SV2C: variants seen among roughly 807,000 people sequenced by gnomAD.
SV2C encodes the protein synaptic vesicle glycoprotein 2C, also known as solute carrier family 22 member B3.
Under a neutral mutation model 79.7 loss-of-function variants are expected in SV2C, and 49 were observed. The observed-to-expected ratio is 0.61, with a 90% CI of 0.49 to 0.78. The LOEUF is 0.78. SV2C is among the 30% of genes least tolerant of loss of function. The pLI, the probability that SV2C is intolerant of heterozygous loss-of-function variation, is 0.00. For synonymous variants in SV2C, 334 were observed against 333.2 expected (o/e 1.00, Z -0.03); for missense variants, 833 against 912.9 (o/e 0.91, Z 1.13).
At chr5:76,272,918 A>G (rs1047042246) in intron 4 of SV2C, among the ~76,000 whole-genome samples, 13 of 151,928 alleles carry the variant, frequency 8.6e-5, no homozygotes, top group African/African-American at 3.1e-4. Context: ...ACAAAAGTAT[A>G]CATTTCACTT....
At chr5:75,960,087 A>C in the SV2C span, among the ~76,000 whole-genome samples, 1 of 151,986 alleles carries the variant, frequency 6.6e-6, no homozygotes, top group African/African-American at 2.4e-5. Context: ...TCATAATTCT[A>C]ATTTTTCCTG....
intron 1 of SV2C, among the ~76,000 whole-genome samples, chr5:76,122,715 T>G (rs1227240701): frequency 6.6e-6 from 1 of 151,374 alleles, no homozygotes; most frequent in East Asian, 1.9e-4. Flanking sequence ...CTGGGACACA[T>G]TCAAAGCAGT....
At chr5:76,186,722 C>T (rs1360674351) in intron 2 of SV2C, among the ~76,000 whole-genome samples, 4 of 140,340 alleles carry the variant, frequency 2.9e-5, no homozygotes, top group African/African-American at 7.8e-5. Context: ...TTAATTGACT[C>T]GCAGTTCCAC....
At chr5:76,001,192 T>C in the SV2C span, among the ~76,000 whole-genome samples, 1 of 152,070 alleles carries the variant, frequency 6.6e-6, no homozygotes, top group East Asian at 1.9e-4. Flanking sequence ...AGGCCCAGAA[T>C]TTCAAGAGTG....
At chr5:75,921,458 G>T in the SV2C span, 3 of 795,806 alleles carry the variant, frequency 3.8e-6, no homozygotes, top group East Asian at 2.4e-5. Context: ...TGCCATCCTT[G>T]CCCATAAGGC....
rs1432507432 is a variant in SV2C at position 76,330,361 on chromosome 5, T to G, written c.*4814T>G. 1 of 152,206 alleles carries G rather than the reference T, an allele frequency of 6.6e-6. No homozygotes were observed. Among genetic ancestry groups the G allele is most frequent in the Non-Finnish European group, 1.5e-5 (1 of 68,034 alleles). 9.4% of individuals were successfully genotyped at this position (152,206 alleles called of 1,614,324 possible). ...TAGCATGGTTGGGCAGGGGAAGAGC[T>G]GAGCCGAGCCTTCACTGATCTCTTG... On this transcript the variant is annotated 3_prime_UTR_variant, in exon 13 of 13. Coordinates refer to ENST00000502798, the MANE Select transcript of SV2C (RefSeq NM_014979.4).
chr5:75,875,514 G>A, the SV2C span, among the ~76,000 whole-genome samples: 4 of 152,138 alleles, frequency 2.6e-5, no homozygotes, highest in African/African-American at 9.7e-5. Context: ...TCAGTACATA[G>A]GCACAGGCAA....
chr5:76,018,367 C>T, the SV2C span, among the ~76,000 whole-genome samples: 2 of 152,102 alleles, frequency 1.3e-5, no homozygotes, highest in Non-Finnish European at 2.9e-5. Flanking sequence ...TAATCATAAT[C>T]ACGGGCCTTT....
chr5:76,017,932 G>A, the SV2C span, among the ~76,000 whole-genome samples: 1 of 152,136 alleles, frequency 6.6e-6, no homozygotes, highest in Non-Finnish European at 1.5e-5. Context: ...CCACTGTCCT[G>A]TCACAGGTTT....
chr5:76,182,398 T>C (rs1435775111), intron 2 of SV2C, among the ~76,000 whole-genome samples: 1 of 152,218 alleles, frequency 6.6e-6, no homozygotes, highest in African/African-American at 2.4e-5. Context: ...TGGTCTCTGA[T>C]AACTGAAAAT....
chr5:75,962,684 C>T, the SV2C span, among the ~76,000 whole-genome samples: 1 of 152,088 alleles, frequency 6.6e-6, no homozygotes, highest in African/African-American at 2.4e-5. Flanking sequence ...ATATCACTAG[C>T]ATGGGGCACA....
intron 8 of SV2C, among the ~76,000 whole-genome samples, chr5:76,294,301 TC>T (rs1411018731): frequency 3.5e-4 from 45 of 127,360 alleles, no homozygotes; most frequent in East Asian, 3.4e-3. Flanking sequence ...TCATTCTCTC[TC>T]TCTTTTTTTT....
At chr5:75,880,442 C>G in the SV2C span, among the ~76,000 whole-genome samples, 1 of 152,108 alleles carries the variant, frequency 6.6e-6, no homozygotes, top group Non-Finnish European at 1.5e-5. Flanking sequence ...GAATGCTTTG[C>G]TGCTTAGAAA....
chr5:76,008,706 C>T, the SV2C span, among the ~76,000 whole-genome samples: 4 of 152,066 alleles, frequency 2.6e-5, no homozygotes, highest in African/African-American at 7.2e-5. Context: ...ACCCTTGTCC[C>T]GAGGCAAGAC....
At chr5:75,891,660 A>T in the SV2C span, among the ~76,000 whole-genome samples, 1 of 152,158 alleles carries the variant, frequency 6.6e-6, no homozygotes, top group Non-Finnish European at 1.5e-5. Context: ...GATGGCATGA[A>T]ATAGAAATGT....
chr5:76,094,354 A>G (rs941375623), intron 1 of SV2C, among the ~76,000 whole-genome samples: 2 of 152,158 alleles, frequency 1.3e-5, no homozygotes, highest in African/African-American at 4.8e-5. Flanking sequence ...ACACTGTCCT[A>G]ATTTTTATCA....
chr5:75,900,534 T>G, the SV2C span, among the ~76,000 whole-genome samples: 8 of 152,252 alleles, frequency 5.3e-5, no homozygotes, highest in East Asian at 5.8e-4. Flanking sequence ...ATCTGACAAT[T>G]ATGTGTCTTG....
the SV2C span, among the ~76,000 whole-genome samples, chr5:75,874,092 G>C: frequency 5.6e-3 from 858 of 152,064 alleles, 3 homozygotes; most frequent in African/African-American, 0.02. Context: ...ACCTGGCAGA[G>C]ATACAACAAA....
At chr5:75,920,838 A>G in the SV2C span, 1 of 763,278 alleles carries the variant, frequency 1.3e-6, no homozygotes, top group Non-Finnish European at 2.4e-6. Flanking sequence ...CTGAATGGTC[A>G]GCTTGTCCAC....
Sources: gnomAD v4.1 joint callset for allele counts (sites outside exome capture counted in the v4.1 genomes callset) on GRCh38, gnomAD v4.1.1 for gene constraint, MANE v1.5 for transcripts, NCBI Gene and HGNC (gene_info 2026-07-23, HGNC 2026-07-21) for gene names.